BBS9: variants seen among roughly 807,000 people sequenced by gnomAD.
The protein encoded by BBS9 is protein PTHB1.
In BBS9, 89 loss-of-function variants were observed where a neutral mutation model predicts 117.7. The ratio of observed to expected loss-of-function variants is 0.76; its 90% confidence interval spans 0.64 to 0.90. The LOEUF is 0.90. Among genes scored for constraint, BBS9 ranks in the 40% least tolerant of loss-of-function variants. BBS9 has a pLI of 0.00. For synonymous variants in BBS9, 379 were observed against 370.9 expected (o/e 1.02, Z -0.25); for missense variants, 982 against 1,042.2 (o/e 0.94, Z 0.80).
intron 21 of BBS9, among the ~76,000 whole-genome samples, chr7:33,549,829 C>T (rs892105045): frequency 2.0e-5 from 3 of 152,104 alleles, no homozygotes; most frequent in South Asian, 2.1e-4. Context: ...AAAATTGCAT[C>T]GATTTGCCAA....
Position 33,383,731 on chromosome 7 carries a change from C to T in BBS9, c.1855C>T (p.Arg619Cys), listed in dbSNP as rs543113169. Residue 619 changes from arginine (R) to cysteine (C), a missense_variant, in exon 18 of 23, where the codon CGC (arginine) becomes TGC (cysteine). Coordinates refer to ENST00000242067, the MANE Select transcript of BBS9 (RefSeq NM_198428.3). ...LWLITNELILRLQEYFEKQGV... is the reference protein window; with the variant it reads ...LWLITNELILCLQEYFEKQGV... The stretch of plus-strand genomic sequence containing the variant: ...GCTCATAACCAATGAGCTTATTCTT[C>T]GCCTTCAAGAATATTTTGAAAAACA... 2.4e-5 allele frequency: 38 copies of T among 1,611,866 alleles called. No individual in the cohort carries two copies. In the South Asian group the frequency reaches 2.4e-4, roughly 10 times the overall value.
intron 9 of BBS9, among the ~76,000 whole-genome samples, chr7:33,288,810 C>G (rs1803419208): frequency 6.6e-6 from 1 of 152,036 alleles, no homozygotes; most frequent in Non-Finnish European, 1.5e-5. Flanking sequence ...ATTCTGAATT[C>G]TTTGGACATA....
chr7:33,257,112 C>A, intron 5 of BBS9, 124 bp from the exon 6 acceptor site: 1 of 594,370 alleles, frequency 1.7e-6, no homozygotes, highest in Non-Finnish European at 2.7e-6. Context: ...ACACCGAATG[C>A]TGCTTAATGC....
intron 19 of BBS9, among the ~76,000 whole-genome samples, chr7:33,457,148 CT>C (rs753959943): frequency 1.1e-4 from 17 of 152,166 alleles, no homozygotes; most frequent in Admixed American, 2.6e-4. Flanking sequence ...CTGTGGGTCT[CT>C]TTAGACATTG....
intron 21 of BBS9, among the ~76,000 whole-genome samples, chr7:33,557,286 T>A (rs1240703385): frequency 3.3e-5 from 5 of 152,210 alleles, no homozygotes; most frequent in African/African-American, 1.2e-4. Flanking sequence ...GAATGTCTAG[T>A]AATTATGCAC....
chr7:33,289,798 C>T (rs1347450173), intron 9 of BBS9, among the ~76,000 whole-genome samples: 1 of 152,066 alleles, frequency 6.6e-6, no homozygotes, highest in Non-Finnish European at 1.5e-5. Context: ...AATCCCAGCA[C>T]TTTGGGAGGC....
chr7:33,633,513 T>TCTTTC (rs35672254), intron 21 of BBS9, among the ~76,000 whole-genome samples: 1 of 143,282 alleles, frequency 7.0e-6, no homozygotes, highest in African/African-American at 2.7e-5. Flanking sequence ...CTTTTTTCTT[T>TCTTTC]TTTTTTTTTT....
intron 9 of BBS9, among the ~76,000 whole-genome samples, chr7:33,302,902 A>G (rs1033751801): frequency 6.6e-6 from 1 of 152,216 alleles, no homozygotes; most frequent in Non-Finnish European, 1.5e-5. Flanking sequence ...TGATTCTTCC[A>G]ATCCATGAAC....
chr7:33,454,255 C>A (rs894199192), intron 19 of BBS9, among the ~76,000 whole-genome samples: 4 of 152,182 alleles, frequency 2.6e-5, no homozygotes, highest in African/African-American at 9.7e-5. Context: ...TGTATGAGTT[C>A]ATATAACTGC....
At position 33,383,675 on chromosome 7, in the gene BBS9, G is replaced by A. The variant is rs749018243; in HGVS notation, c.1799G>A (p.Arg600His). The change falls in exon 18 of 23, where the codon CGC becomes CAC. Residue 600 changes from arginine to histidine, a missense_variant. Arg to His is a conservative substitution (Grantham distance 29). Coordinates refer to ENST00000242067, the MANE Select transcript of BBS9 (RefSeq NM_198428.3). ...VLASKTSQRY[R>H]IQSEQFEDLW... ...AATTTTTTTCTCTCAGAACGATATCGCATTCAGAGTGAACAATTTGAAGAT... is the reference window on the plus strand; with the variant it reads ...AATTTTTTTCTCTCAGAACGATATCACATTCAGAGTGAACAATTTGAAGAT... 24 of 1,605,778 alleles carry A rather than the reference G, an allele frequency of 1.5e-5. No homozygotes were observed. Among genetic ancestry groups the A allele is most frequent in the African/African-American group, 6.7e-5 (5 of 74,792 alleles).
In BBS9 at chr7:33,635,012, C is replaced by G. The variant is rs55919233; in HGVS notation, c.2522-165C>G. Among the ~76,000 whole-genome samples the G allele has an allele frequency of 9.7e-3, 1,472 of 152,312 alleles. 7 individuals are homozygous for G. The highest frequency in any genetic ancestry group is 0.017 in the Non-Finnish European group (1,124 of 68,022). On this transcript the variant is annotated intron_variant, in intron 21 of 21. Coordinates refer to the BBS9 transcript ENST00000671952. ...TTGGCCTCCCACACTCGCAGTGGCT[C>G]TCTTCGAAACCATCGGTACCCAGTG...
intron 5 of BBS9, among the ~76,000 whole-genome samples, chr7:33,225,209 A>AT (rs1791009666): frequency 6.6e-6 from 1 of 152,012 alleles, no homozygotes; most frequent in Non-Finnish European, 1.5e-5. Context: ...GTTTATATTT[A>AT]TTTTTTGAGA....
At chr7:33,346,596 A>G (rs949262408) in intron 12 of BBS9, among the ~76,000 whole-genome samples, 2 of 152,178 alleles carry the variant, frequency 1.3e-5, no homozygotes, top group Non-Finnish European at 2.9e-5. Context: ...TGGCTCAAAC[A>G]CAACTATTCT....
intron 5 of BBS9, among the ~76,000 whole-genome samples, chr7:33,232,782 G>A (rs1792734337): frequency 6.6e-6 from 1 of 152,040 alleles, no homozygotes; most frequent in South Asian, 2.1e-4. Flanking sequence ...GTATATGTGT[G>A]TGTATATATC....
At chr7:33,492,811 A>AGTGTGTGTGTGT (rs57870306) in intron 19 of BBS9, among the ~76,000 whole-genome samples, 2,221 of 131,610 alleles carry the variant, frequency 0.017, 41 homozygotes, top group Non-Finnish European at 0.021. Context: ...TATAGGAGTG[A>AGTGTGTGTGTGT]GTGTGTGTGT....
At chr7:33,173,513 A>C (rs1307147548) in intron 4 of BBS9, among the ~76,000 whole-genome samples, 1 of 151,438 alleles carries the variant, frequency 6.6e-6, no homozygotes, top group Non-Finnish European at 1.5e-5. Context: ...CGGAGCTTGC[A>C]GTGAGCTGAG....
intron 19 of BBS9, among the ~76,000 whole-genome samples, chr7:33,466,587 G>A (rs1289704496): frequency 2.0e-5 from 3 of 151,952 alleles, no homozygotes; most frequent in African/African-American, 4.8e-5. Flanking sequence ...CAGACACTTC[G>A]GTTGTTTCCA....
intron 21 of BBS9, among the ~76,000 whole-genome samples, chr7:33,630,286 C>G (rs1865824708): frequency 6.6e-6 from 1 of 151,830 alleles, no homozygotes; most frequent in African/African-American, 2.4e-5. Flanking sequence ...CAAATTGAAA[C>G]AGAACAAAAA....
intron 19 of BBS9, among the ~76,000 whole-genome samples, chr7:33,400,647 A>G (rs1828754000): frequency 6.6e-6 from 1 of 152,182 alleles, no homozygotes; most frequent in African/African-American, 2.4e-5. Context: ...TCTCAGCAAA[A>G]GAAAAAGATG....
Sources: allele counts gnomAD v4.1 joint callset (sites outside exome capture counted in the v4.1 genomes callset), GRCh38; gene constraint gnomAD v4.1.1; transcripts MANE v1.5; gene names NCBI Gene and HGNC (gene_info 2026-07-23, HGNC 2026-07-21).